CSMD1: variants seen among roughly 807,000 people sequenced by gnomAD.
The protein encoded by CSMD1 is CUB and sushi domain-containing protein 1.
In CSMD1, 213 loss-of-function variants were observed where a neutral mutation model predicts 417.5. The ratio of observed to expected loss-of-function variants is 0.51; its 90% CI spans 0.46 to 0.57. CSMD1 has a LOEUF of 0.57. Among genes scored for constraint, CSMD1 ranks in the 20% least tolerant of loss-of-function variants. The probability of loss-of-function intolerance (pLI) is 0.00; values close to 1 mark genes in which losing one functional copy is unlikely to be tolerated. For synonymous variants in CSMD1, 2,862 were observed against 1,736.8 expected (o/e 1.65, Z -16.11); for missense variants, 6,923 against 4,529.7 (o/e 1.53, Z -15.17).
In CSMD1 at chr8:3,505,874, A is replaced by G. The variant is rs113879994; in HGVS notation, c.1345-12148T>C. The stretch of plus-strand genomic sequence containing the variant: ...TTGGCTGAAAGGTGAACTTCAAATA[A>G]TAAGATTAATTTAAAAAACAGTTAC... On this transcript the variant is annotated intron_variant, in intron 10 of 69. Coordinates refer to ENST00000635120, the MANE Select transcript of CSMD1 (RefSeq NM_033225.6). Among the ~76,000 whole-genome samples the G allele has an allele frequency of 8.9e-4, 135 of 152,326 alleles. 1 individual carries two copies. Among genetic ancestry groups the G allele is most frequent in the African/African-American group, 2.7e-3 (112 of 41,562 alleles).
intron 1 of CSMD1, among the ~76,000 whole-genome samples, chr8:4,649,012 G>C (rs534624661): frequency 6.6e-6 from 1 of 152,282 alleles, no homozygotes; most frequent in South Asian, 2.1e-4. Flanking sequence ...TCTATACTGC[G>C]GTTATATATT....
intron 26 of CSMD1, among the ~76,000 whole-genome samples, chr8:3,259,453 G>A (rs1309164681): frequency 6.6e-6 from 1 of 150,836 alleles, no homozygotes; most frequent in Non-Finnish European, 1.5e-5. Flanking sequence ...TGAGAACCCA[G>A]GATGCATATC....
chr8:3,158,842 T>C (rs929988024), intron 38 of CSMD1, among the ~76,000 whole-genome samples: 39 of 152,050 alleles, frequency 2.6e-4, no homozygotes, highest in African/African-American at 8.5e-4. Context: ...ATAGAGGCAA[T>C]TGAAAAACAA....
At chr8:4,342,272 G>A (rs1276698494) in intron 3 of CSMD1, among the ~76,000 whole-genome samples, 1 of 145,008 alleles carries the variant, frequency 6.9e-6, no homozygotes, top group Admixed American at 7.0e-5. Flanking sequence ...TGTGTGTAGA[G>A]GGATATTTAA....
chr8:4,562,155 A>C lies in CSMD1; in HGVS notation c.302+75187T>G, dbSNP rs140934759. Among the ~76,000 whole-genome samples, 146 of 152,310 alleles carry C rather than the reference A, an allele frequency of 9.6e-4. 1 individual carries two copies. Among genetic ancestry groups the C allele is most frequent in the African/African-American group, 3.2e-3 (135 of 41,568 alleles). ...CAGGTATCGTTAATTAAGAGCAGAA[A>C]ACATACAAGGAAGCATGAGCAGTAG... On this transcript the variant is annotated intron_variant, in intron 2 of 69. Transcript: ENST00000635120.
intron 2 of CSMD1, among the ~76,000 whole-genome samples, chr8:4,509,818 C>G (rs1192336039): frequency 6.6e-6 from 1 of 152,150 alleles, no homozygotes; most frequent in Non-Finnish European, 1.5e-5. Context: ...GAAACTGAAG[C>G]ATTGGGATGT....
rs148856154 is a variant in CSMD1, at chr8:3,340,975, C to G, written c.3631+2319G>C. ...ATATTTCTTTCTCCTATTTATAGAA[C>G]ATTTGTGCTACTATGTAATCAAAAA... On this transcript the variant is annotated intron_variant, in intron 23 of 69. Coordinates refer to ENST00000635120, the MANE Select transcript of CSMD1 (RefSeq NM_033225.6). Among the ~76,000 whole-genome samples, 156 of 152,304 alleles carry G rather than the reference C, an allele frequency of 1.0e-3. 3 individuals are homozygous for G. The East Asian group carries it at 0.029, about 28-fold the overall frequency.
intron 1 of CSMD1, among the ~76,000 whole-genome samples, chr8:4,811,569 T>A (rs909121243): frequency 6.6e-6 from 1 of 152,078 alleles, no homozygotes; most frequent in East Asian, 1.9e-4. Context: ...AATAAACACA[T>A]GTGAGGCTCA....
At chr8:3,009,242 C>G (rs1390762492) in intron 52 of CSMD1, among the ~76,000 whole-genome samples, 1 of 152,184 alleles carries the variant, frequency 6.6e-6, no homozygotes, top group South Asian at 2.1e-4. Context: ...TGTAGCAGGA[C>G]AAATACTAAA....
chr8:4,080,125 C>T (rs1296915753), intron 3 of CSMD1, among the ~76,000 whole-genome samples: 3 of 151,982 alleles, frequency 2.0e-5, no homozygotes, highest in Admixed American at 6.6e-5. Flanking sequence ...TATACACCCC[C>T]ATAGGTACAC....
At chr8:4,035,967 G>C (rs1295957345) in intron 3 of CSMD1, among the ~76,000 whole-genome samples, 3 of 152,106 alleles carry the variant, frequency 2.0e-5, no homozygotes, top group Non-Finnish European at 4.4e-5. Context: ...TGTCCTATGA[G>C]AGTGTAACAC....
intron 5 of CSMD1, among the ~76,000 whole-genome samples, chr8:3,756,097 C>A (rs1488144410): frequency 6.6e-6 from 1 of 152,040 alleles, no homozygotes; most frequent in East Asian, 1.9e-4. Context: ...TGGCTCACAC[C>A]TCTAATCCCA....
At chr8:4,094,510 G>A (rs1800896779) in intron 3 of CSMD1, among the ~76,000 whole-genome samples, 1 of 152,170 alleles carries the variant, frequency 6.6e-6, no homozygotes, top group Non-Finnish European at 1.5e-5. Context: ...GCAGGGTGGA[G>A]GAATCTAACT....
At chr8:4,623,374 C>T (rs1175653031) in intron 2 of CSMD1, among the ~76,000 whole-genome samples, 1 of 152,108 alleles carries the variant, frequency 6.6e-6, no homozygotes, top group Non-Finnish European at 1.5e-5. Flanking sequence ...TAAAATTCAT[C>T]CCTCAGGTGG....
At chr8:4,422,366 A>G (rs1797295093) in intron 2 of CSMD1, among the ~76,000 whole-genome samples, 1 of 152,048 alleles carries the variant, frequency 6.6e-6, no homozygotes, top group African/African-American at 2.4e-5. Context: ...CCCAACCCCC[A>G]ACATAACTAG....
intron 7 of CSMD1, among the ~76,000 whole-genome samples, chr8:3,669,715 A>G (rs948147201): frequency 6.6e-6 from 1 of 152,074 alleles, no homozygotes; most frequent in African/African-American, 2.4e-5. Flanking sequence ...CTGGGTACAA[A>G]GAGGAAGGCC....
intron 52 of CSMD1, among the ~76,000 whole-genome samples, chr8:3,010,825 C>T (rs999396670): frequency 1.7e-4 from 26 of 151,374 alleles, no homozygotes; most frequent in Non-Finnish European, 3.1e-4. Flanking sequence ...CTCACTGCAA[C>T]CTCCACCTCC....
intron 1 of CSMD1, among the ~76,000 whole-genome samples, chr8:4,748,146 G>A (rs1394205976): frequency 1.3e-5 from 2 of 152,104 alleles, no homozygotes; most frequent in South Asian, 2.1e-4. Flanking sequence ...AACTCACAGA[G>A]AAAACCCACA....
intron 15 of CSMD1, 101 bp downstream of exon 15, chr8:3,405,926 G>C: frequency 9.0e-7 from 1 of 1,111,264 alleles, no homozygotes; most frequent in Non-Finnish European, 1.3e-6. Flanking sequence ...ATTTTGTTAG[G>C]GCAGCCCTAG....
Sources: allele counts gnomAD v4.1 joint callset (sites outside exome capture counted in the v4.1 genomes callset), GRCh38; gene constraint gnomAD v4.1.1; transcripts MANE v1.5; gene names NCBI Gene and HGNC (gene_info 2026-07-23, HGNC 2026-07-21).